Variants in HOMER2 observed in about 807,000 individuals in gnomAD.
The protein encoded by HOMER2 is homer protein homolog 2.
HOMER2 carries 27 observed loss-of-function variants against 47.0 expected under a neutral mutation model. The observed-to-expected ratio is 0.57, with a 90% confidence interval of 0.42 to 0.79. The LOEUF (loss-of-function observed/expected upper bound fraction) is 0.79, where lower values mean the gene tolerates loss of function less well. Ranked by LOEUF, HOMER2 falls within the 30% of genes least tolerant of loss-of-function variation. The pLI is 0.00. For missense variants in HOMER2, 443 were observed against 435.0 expected (o/e 1.02, Z -0.16); for synonymous variants, 161 against 163.8 (o/e 0.98, Z 0.13).
chr15:82,945,435 T>G (rs2054354767), intron 1 of HOMER2, among the ~76,000 whole-genome samples: 1 of 152,184 alleles, frequency 6.6e-6, no homozygotes, highest in Non-Finnish European at 1.5e-5. Context: ...GATTGCATTT[T>G]GTTAAAAATA....
intron 1 of HOMER2, among the ~76,000 whole-genome samples, chr15:82,960,413 G>C (rs1392212351): frequency 6.6e-6 from 1 of 152,154 alleles, no homozygotes; most frequent in Non-Finnish European, 1.5e-5. Flanking sequence ...AGGTGGGGCT[G>C]AGGGTGATAT....
intron 1 of HOMER2, among the ~76,000 whole-genome samples, chr15:82,910,831 G>GT (rs1234826171): frequency 1.3e-5 from 2 of 152,090 alleles, no homozygotes; most frequent in African/African-American, 4.8e-5. Context: ...TCTCAGCAAC[G>GT]TAACAGTGCC....
chr15:82,874,811 AT>A (rs1202242454), intron 3 of HOMER2, among the ~76,000 whole-genome samples: 1 of 152,224 alleles, frequency 6.6e-6, no homozygotes, highest in Non-Finnish European at 1.5e-5. Context: ...TTTCATCAAG[AT>A]GCATTCTTGG....
At chr15:82,865,981 C>T (rs1373764499) in intron 3 of HOMER2, among the ~76,000 whole-genome samples, 1 of 152,218 alleles carries the variant, frequency 6.6e-6, no homozygotes. Context: ...AAGTCCCCCA[C>T]AGAGTCCCTA....
rs1376803428 is a variant in HOMER2 at position 82,851,199 on chromosome 15, G to A, written c.795C>T (p.Ile265=). 27 of 1,569,954 alleles carry A rather than the reference G, an allele frequency of 1.7e-5. No individual in the cohort carries two copies. The highest frequency in any genetic ancestry group is 2.3e-5 in the Non-Finnish European group (27 of 1,155,830). The change falls in exon 8 of 9, where the codon ATC becomes ATT. Residue 265 remains isoleucine (I), a synonymous_variant. Transcript: ENST00000450735. The part of the protein sequence containing the change: ...ELKDLRKQSE[I]IPQLMSECEY... ...CGCACTCTGACATGAGCTGAGGTAT[G>A]ATTTCACTTTGTTTTCGGAGATCTT...
Position 82,904,580 on chromosome 15 carries a change from T to C in HOMER2, c.6-11739A>G, listed in dbSNP as rs181595163. On this transcript the variant is annotated intron_variant, in intron 1 of 8. Coordinates refer to ENST00000450735, the MANE Select transcript of HOMER2 (RefSeq NM_004839.4). ...AGGCCTGCCCTCAGGAGAAACTAAT[T>C]TACCAGGGCCCAATCAGCTGGGGTA... 1.0e-3 allele frequency among the ~76,000 whole-genome samples: 159 copies of C among 152,186 alleles called. No homozygotes were observed. The Middle Eastern group carries it at 0.014, about 13-fold the overall frequency.
rs1269756073 is a variant in HOMER2, at chr15:82,860,978, A to AGAGAGAGAGAGAGAGAGAGAGG, written c.388-1844_388-1843insCCTCTCTCTCTCTCTCTCTCTC. Among the ~76,000 whole-genome samples, 11 of 147,806 alleles carry AGAGAGAGAGAGAGAGAGAGAGG rather than the reference A, an allele frequency of 7.4e-5. 1 individual carries two copies. The highest frequency in any genetic ancestry group is 2.3e-4 in the African/African-American group (9 of 38,510). ...AGATGAGAGAGAGAGAGAGAGAGAGAGAGAAAGCGAAAGAGAAAGGAAAGA... is the reference window on the plus strand; with the variant it reads ...AGATGAGAGAGAGAGAGAGAGAGAGAGAGAGAGAGAGAGAGAGAGAGGGAGAAAGCGAAAGAGAAAGGAAAGA... On this transcript the variant is annotated intron_variant, in intron 4 of 8. Coordinates refer to ENST00000450735, the MANE Select transcript of HOMER2 (RefSeq NM_004839.4).
intron 1 of HOMER2, among the ~76,000 whole-genome samples, chr15:82,914,899 T>C (rs1050649760): frequency 2.6e-5 from 4 of 152,082 alleles, no homozygotes; most frequent in Non-Finnish European, 4.4e-5. Flanking sequence ...AGAGGACAGA[T>C]GGAGGTGGGC....
At chr15:82,884,941 C>T (rs371345152) in intron 2 of HOMER2, among the ~76,000 whole-genome samples, 17 of 8,984 alleles carry the variant, frequency 1.9e-3, no homozygotes, top group South Asian at 0.016. Context: ...TGAATAGGAG[C>T]GGTGAGAGAG....
At chr15:82,869,118 C>A (rs556467107) in intron 3 of HOMER2, among the ~76,000 whole-genome samples, 1 of 152,204 alleles carries the variant, frequency 6.6e-6, no homozygotes, top group Non-Finnish European at 1.5e-5. Flanking sequence ...ACAGGGTATC[C>A]CTGCTTTGCA....
At chr15:82,852,549 G>A in intron 6 of HOMER2, 1 of 308,424 alleles carries the variant, frequency 3.2e-6, no homozygotes, top group Non-Finnish European at 5.9e-6. Flanking sequence ...TTCCTCTCAT[G>A]GCCGTGAAGA....
intron 3 of HOMER2, among the ~76,000 whole-genome samples, chr15:82,872,435 T>C (rs2052207897): frequency 6.6e-6 from 1 of 152,168 alleles, no homozygotes; most frequent in Non-Finnish European, 1.5e-5. Context: ...CTCTTAACCC[T>C]TCATCAGTTC....
In HOMER2 at chr15:82,899,187, A is replaced by T. The variant is rs1238862906; in HGVS notation, c.6-6346T>A. ...GAAGGGCTTCTGCTGCTTTCCTTCT[A>T]GAACTTCTGAATCATCTGTACTTTC... On this transcript the variant is annotated intron_variant, in intron 1 of 8. Coordinates refer to ENST00000450735, the MANE Select transcript of HOMER2 (RefSeq NM_004839.4). Among the ~76,000 whole-genome samples, 4 of 152,230 alleles carry T rather than the reference A, an allele frequency of 2.6e-5. No homozygotes were observed. The East Asian group carries it at 7.7e-4, about 29-fold the overall frequency.
rs757202917 is a variant in HOMER2 at position 82,852,199 on chromosome 15, G to C, written c.705C>G (p.Asn235Lys). 7.4e-6 allele frequency: 12 copies of C among 1,613,976 alleles called. No individual in the cohort carries two copies. In the South Asian group the frequency reaches 1.3e-4, roughly 18 times the overall value. ...CCTCGATCCTCCTCTTCAGCTGCGTGTTCTTCTCCTTCTCTCTGTTGATCT... is the reference window on the plus strand; with the variant it reads ...CCTCGATCCTCCTCTTCAGCTGCGTCTTCTTCTCCTTCTCTCTGTTGATCT... ...CSEINREKEK[N>K]TQLKRRIEEL... is the part of the protein sequence containing the mutation. The change falls in exon 7 of 9, where the codon AAC (asparagine) becomes AAG (lysine). Residue 235 changes from asparagine (N) to lysine (K), a missense_variant. Physicochemically the swap from Asn to Lys is moderately conservative, Grantham distance 94. Transcript: ENST00000450735.
chr15:82,882,589 A>C (rs1403682856), intron 2 of HOMER2, among the ~76,000 whole-genome samples: 1 of 152,228 alleles, frequency 6.6e-6, no homozygotes, highest in East Asian at 1.9e-4. Context: ...TTCGTGTTTT[A>C]AGAATAAAGA....
chr15:82,896,404 G>A (rs1479832978), intron 1 of HOMER2, among the ~76,000 whole-genome samples: 2 of 152,220 alleles, frequency 1.3e-5, no homozygotes, highest in Non-Finnish European at 2.9e-5. Context: ...TAGACAAGAA[G>A]GGTTCCATCT....
chr15:82,868,849 C>CTATA (rs138651874), intron 3 of HOMER2, among the ~76,000 whole-genome samples: 31 of 147,728 alleles, frequency 2.1e-4, no homozygotes, highest in Middle Eastern at 3.5e-3. Flanking sequence ...CTGCGCTCAG[C>CTATA]TATATATATA....
intron 1 of HOMER2, among the ~76,000 whole-genome samples, chr15:82,942,107 T>C (rs771107688): frequency 3.1e-4 from 47 of 152,212 alleles, no homozygotes; most frequent in Admixed American, 3.3e-4. Flanking sequence ...TTAGCTTGGA[T>C]GTCACCTCCT....
At chr15:82,867,378 AAAACT>A (rs2052007884) in intron 3 of HOMER2, among the ~76,000 whole-genome samples, 1 of 152,022 alleles carries the variant, frequency 6.6e-6, no homozygotes, top group African/African-American at 2.4e-5. Flanking sequence ...AAAAAAAAAA[AAAACT>A]AAACCAGAAG....
Sources: allele counts gnomAD v4.1 joint callset (sites outside exome capture counted in the v4.1 genomes callset), GRCh38; gene constraint gnomAD v4.1.1; transcripts MANE v1.5; gene names NCBI Gene and HGNC (gene_info 2026-07-23, HGNC 2026-07-21).